Variants in REL observed in about 807,000 individuals in gnomAD.
The protein encoded by REL is REL proto-oncogene, NF-kB subunit.
REL carries 15 observed loss-of-function variants against 45.9 expected under a neutral mutation model. That is an observed-to-expected ratio of 0.33 (90% CI 0.22 to 0.50). The LOEUF is 0.50. Ranked by LOEUF, REL falls within the 20% of genes least tolerant of loss-of-function variation. The pLI, the probability that REL is intolerant of heterozygous loss-of-function variation, is 0.98. For synonymous variants in REL, 239 were observed against 242.1 expected, an observed-to-expected ratio of 0.99 and a Z score of 0.12; for missense variants, 601 against 715.2, an observed-to-expected ratio of 0.84 and a Z score of 1.82.
In REL at chr2:60,916,930, C is replaced by G. The variant is rs1673979405; in HGVS notation, c.448C>G (p.Leu150Val). The change falls in exon 5 of 10, where the codon CTG becomes GTG. Residue 150 changes from leucine to valine, a missense_variant. Coordinates refer to ENST00000394479, the MANE Select transcript of REL (RefSeq NM_001291746.2). ...IEDCDLNVVR[L>V]CFQVFLPDEH... ...AGATTGTGACCTCAATGTGGTGAGA[C>G]TGTGTTTTCAAGTTTTTCTCCCTGA... is the stretch of plus-strand genomic sequence containing the variant. 6.2e-7 allele frequency: 1 copy of G among 1,613,284 alleles called. No individual in the cohort carries two copies. The highest frequency in any genetic ancestry group is 1.3e-5 in the African/African-American group (1 of 74,866).
intron 4 of REL, among the ~76,000 whole-genome samples, chr2:60,907,712 A>G (rs1261977617): frequency 6.8e-6 from 1 of 146,522 alleles, no homozygotes; most frequent in Non-Finnish European, 1.5e-5. Flanking sequence ...TTTTTTTTTT[A>G]CGGAGTCTCG....
intron 3 of REL, among the ~76,000 whole-genome samples, chr2:60,897,313 T>C (rs889403248): frequency 2.6e-5 from 4 of 151,696 alleles, no homozygotes. Flanking sequence ...CTTTTTTTTT[T>C]TCCTTTTTTT....
At chr2:60,906,815 A>G (rs1423740752) in intron 4 of REL, among the ~76,000 whole-genome samples, 2 of 149,500 alleles carry the variant, frequency 1.3e-5, no homozygotes, top group Non-Finnish European at 3.0e-5. Flanking sequence ...TGTTTTCCCA[A>G]AGTACCTGTG....
chr2:60,922,771 C>T lies in REL; in HGVS notation c.*236C>T. The T allele has an allele frequency of 9.0e-7, 1 of 1,105,810 alleles. No homozygotes were observed. The highest frequency in any genetic ancestry group is 1.1e-6 in the Non-Finnish European group (1 of 904,314). 68.5% of individuals were successfully genotyped at this position (1,105,810 alleles called of 1,614,324 possible). On this transcript the variant is annotated 3_prime_UTR_variant, in exon 10 of 10. Coordinates refer to ENST00000394479, the MANE Select transcript of REL (RefSeq NM_001291746.2). ...AAAAAGACAACTCAGAGGCCAGGCG[C>T]AGGGGCTCACACCTGTAATCCTAGC...
At chr2:60,921,530 C>T (rs1333318684) in intron 9 of REL, among the ~76,000 whole-genome samples, 1 of 152,118 alleles carries the variant, frequency 6.6e-6, no homozygotes, top group East Asian at 1.9e-4. Context: ...GCCAAAGTAA[C>T]TTGCCAAAAT....
At chr2:60,899,419 G>T (rs1673438523) in intron 3 of REL, 1 of 152,278 alleles carries the variant, frequency 6.6e-6, no homozygotes. Flanking sequence ...GGGAGGCAGA[G>T]GTTGCAGTGA....
chr2:60,886,208 A>T (rs1369056269), intron 1 of REL, among the ~76,000 whole-genome samples: 1 of 152,194 alleles, frequency 6.6e-6, no homozygotes, highest in African/African-American at 2.4e-5. Flanking sequence ...AGATTTCTTT[A>T]TCTTCTAAAC....
intron 4 of REL, among the ~76,000 whole-genome samples, chr2:60,914,400 AAC>A (rs1335437033): frequency 6.6e-6 from 1 of 152,238 alleles, no homozygotes; most frequent in Non-Finnish European, 1.5e-5. Flanking sequence ...AAATCTCATA[AAC>A]AGTGATTTTT....
At chr2:60,902,885 G>A (rs1014251255) in intron 4 of REL, among the ~76,000 whole-genome samples, 10 of 152,000 alleles carry the variant, frequency 6.6e-5, no homozygotes, top group Non-Finnish European at 1.2e-4. Context: ...CACTGCACCC[G>A]GTCTATTTAG....
chr2:60,895,006 A>C (rs1673314531), intron 3 of REL, among the ~76,000 whole-genome samples: 1 of 151,364 alleles, frequency 6.6e-6, no homozygotes, highest in East Asian at 1.9e-4. Context: ...ACAGGCATGC[A>C]CCACCACGCC....
Position 60,927,533 on chromosome 2 carries a change from A to T in REL, c.*4998A>T, listed in dbSNP as rs1410941414. On this transcript the variant is annotated 3_prime_UTR_variant, in exon 10 of 10. Coordinates refer to ENST00000394479, the MANE Select transcript of REL (RefSeq NM_001291746.2). ...TCTCTCCACTTTATGTGGCAGGTTT[A>T]ATCTCAGGTCTCCCTCATACACTTC... 1 of 229,222 alleles carries T rather than the reference A, an allele frequency of 4.4e-6. No homozygotes were observed. The highest frequency in any genetic ancestry group is 2.2e-5 in the African/African-American group (1 of 45,150). 14.2% of individuals were successfully genotyped at this position (229,222 alleles called of 1,614,324 possible).
chr2:60,921,208 T>C (rs1360376428), intron 9 of REL, among the ~76,000 whole-genome samples: 1 of 152,218 alleles, frequency 6.6e-6, no homozygotes, highest in Non-Finnish European at 1.5e-5. Flanking sequence ...CTGGTTTAGT[T>C]TGTAAAGCAT....
chr2:60,922,126 G>T lies in REL; in HGVS notation c.1355G>T (p.Gly452Val). The T allele has an allele frequency of 6.2e-7, 1 of 1,614,102 alleles. No homozygotes were observed. Among genetic ancestry groups the T allele is most frequent in the Non-Finnish European group, 8.5e-7 (1 of 1,180,028 alleles). Residue 452 changes from glycine (G) to valine (V), a missense_variant, in exon 10 of 10, where the codon GGT (glycine) becomes GTT (valine). Physicochemically the swap from Gly to Val is moderately radical, Grantham distance 109. This residue lies in a region of REL where 334 missense variants were observed against 333.1 expected (regional missense o/e 1.00). Coordinates refer to ENST00000394479, the MANE Select transcript of REL (RefSeq NM_001291746.2). ...TCCATGCCATCAGCAGATTTATATGGTATTTCTGATCCCAACATGCTGTCT... is the reference window on the plus strand; with the variant it reads ...TCCATGCCATCAGCAGATTTATATGTTATTTCTGATCCCAACATGCTGTCT... ...ASSMPSADLY[G>V]ISDPNMLSNC... is the part of the protein sequence containing the mutation.
chr2:60,901,898 C>T (rs1673508611), intron 4 of REL, among the ~76,000 whole-genome samples: 1 of 152,080 alleles, frequency 6.6e-6, no homozygotes, highest in African/African-American at 2.4e-5. Context: ...TTGGGGATAG[C>T]ATTTATTAAG....
intron 2 of REL, among the ~76,000 whole-genome samples, chr2:60,893,810 T>C (rs1317353507): frequency 6.6e-6 from 1 of 152,214 alleles, no homozygotes; most frequent in Non-Finnish European, 1.5e-5. Flanking sequence ...CCTGTCCTCC[T>C]TCCTCTTCCA....
At chr2:60,887,820 A>C (rs1304802610) in intron 1 of REL, among the ~76,000 whole-genome samples, 1 of 151,820 alleles carries the variant, frequency 6.6e-6, no homozygotes, top group Non-Finnish European at 1.5e-5. Context: ...ACTATTTAAA[A>C]ATATTTAATC....
At chr2:60,896,178 G>A (rs986159909) in intron 3 of REL, among the ~76,000 whole-genome samples, 1 of 151,708 alleles carries the variant, frequency 6.6e-6, no homozygotes, top group African/African-American at 2.4e-5. Context: ...TAATTTTTTG[G>A]TATTTAAACC....
chr2:60,912,806 G>A (rs891926281), intron 4 of REL, among the ~76,000 whole-genome samples: 3 of 151,470 alleles, frequency 2.0e-5, no homozygotes, highest in Non-Finnish European at 4.4e-5. Flanking sequence ...GGAAATATGC[G>A]ACTTTAGTGT....
Position 60,918,464 on chromosome 2 carries a change from C to T in REL, c.711C>T (p.His237=), listed in dbSNP as rs1674044098. ...AKGIFSQADV[H]RQVAIVFKTP... ...GCATCTTTTCACAAGCTGATGTACA[C>T]CGTCAAGTAGCCATTGTTTTCAAAA... Residue 237 remains histidine (H), a synonymous_variant, in exon 7 of 10, where the codon CAC becomes CAT. Transcript: ENST00000394479. The T allele has an allele frequency of 4.3e-6, 7 of 1,613,694 alleles. No individual in the cohort carries two copies. Among genetic ancestry groups the T allele is most frequent in the Non-Finnish European group, 4.2e-6 (5 of 1,179,946 alleles).
Sources: gnomAD v4.1 joint callset for allele counts (sites outside exome capture counted in the v4.1 genomes callset) on GRCh38, gnomAD v4.1.1 for gene constraint, gnomAD v4.1.1 regional missense constraint, MANE v1.5 for transcripts, NCBI Gene and HGNC (gene_info 2026-07-23, HGNC 2026-07-21) for gene names.